Variants in CDH18 observed in about 807,000 individuals in gnomAD.
CDH18 encodes cadherin 18.
CDH18 carries 31 observed loss-of-function variants against 67.9 expected under a neutral mutation model. The observed-to-expected ratio is 0.46, with a 90% CI of 0.34 to 0.62. The LOEUF is 0.62. Among genes scored for constraint, CDH18 ranks in the 20% least tolerant of loss-of-function variants. CDH18 has a pLI of 0.01. For synonymous variants in CDH18, 362 were observed against 347.2 expected (o/e 1.04, Z -0.48); for missense variants, 890 against 975.5 (o/e 0.91, Z 1.17).
rs183263151 is a variant in CDH18, at chr5:19,823,085, G to A, written c.228+15674C>T. On this transcript the variant is annotated intron_variant, in intron 3 of 12. Coordinates refer to ENST00000382275, the MANE Select transcript of CDH18 (RefSeq NM_004934.5). Reference sequence around the variant, plus strand: ...ATGGCTCTGTTCCGCCTGGCTCACCGGCGGTCAGAGTTTAAGGTTATCTGT... The same window carrying A: ...ATGGCTCTGTTCCGCCTGGCTCACCAGCGGTCAGAGTTTAAGGTTATCTGT... Among the ~76,000 whole-genome samples the A allele has an allele frequency of 4.2e-3, 641 of 152,270 alleles. 8 individuals carry two copies. Among genetic ancestry groups the A allele is most frequent in the East Asian group, 0.036 (188 of 5,162 alleles).
intron 1 of CDH18, among the ~76,000 whole-genome samples, chr5:20,330,480 G>T (rs1739067757): frequency 6.6e-6 from 1 of 152,164 alleles, no homozygotes; most frequent in Admixed American, 6.5e-5. Flanking sequence ...AACACCTAAA[G>T]TTGGTGATCA....
intron 1 of CDH18, among the ~76,000 whole-genome samples, chr5:20,299,403 TACACACACACACACACACACACACAC>T (rs56003449): frequency 3.6e-5 from 5 of 138,692 alleles, no homozygotes; most frequent in Non-Finnish European, 6.2e-5. Flanking sequence ...CAACATTAGC[TACACACACACACACACACACACACAC>T]ACACACACAC....
intron 3 of CDH18, among the ~76,000 whole-genome samples, chr5:19,814,508 A>AGGACCCCT (rs57111438): frequency 1.3e-5 from 2 of 151,252 alleles, no homozygotes; most frequent in Admixed American, 6.6e-5. Flanking sequence ...AATATTTAGC[A>AGGACCCCT]GGGCTCTACA....
chr5:19,536,507 A>G (rs1749444934), intron 9 of CDH18, among the ~76,000 whole-genome samples: 1 of 152,180 alleles, frequency 6.6e-6, no homozygotes, highest in African/African-American at 2.4e-5. Flanking sequence ...GGAAATTGAT[A>G]CACGTGGAGT....
At chr5:19,984,936 A>G (rs1579950050) in intron 1 of CDH18, among the ~76,000 whole-genome samples, 1 of 152,296 alleles carries the variant, frequency 6.6e-6, no homozygotes, top group Non-Finnish European at 1.5e-5. Context: ...TAGAATAACC[A>G]GAGTGAATGC....
At chr5:20,462,993 G>A (rs143366896) in intron 1 of CDH18, among the ~76,000 whole-genome samples, 401 of 152,182 alleles carry the variant, frequency 2.6e-3, no homozygotes, top group Admixed American at 3.4e-3. Context: ...TGCAAAGACA[G>A]GTGCAGTTTT....
At chr5:19,735,383 T>C (rs1302738809) in intron 4 of CDH18, among the ~76,000 whole-genome samples, 1 of 144,392 alleles carries the variant, frequency 6.9e-6, no homozygotes, top group Non-Finnish European at 1.5e-5. Context: ...GTTCAATGTA[T>C]TGATGATATT....
chr5:19,671,104 T>C (rs947272731), intron 5 of CDH18, among the ~76,000 whole-genome samples: 17 of 152,078 alleles, frequency 1.1e-4, no homozygotes, highest in African/African-American at 4.1e-4. Context: ...GGTTTATAGG[T>C]AAGAAATAAA....
At chr5:20,213,245 T>G (rs536529205) in intron 2 of CDH18, among the ~76,000 whole-genome samples, 1 of 152,138 alleles carries the variant, frequency 6.6e-6, no homozygotes, top group African/African-American at 2.4e-5. Context: ...TGTAGGTTGG[T>G]GGAATTGTAG....
intron 1 of CDH18, among the ~76,000 whole-genome samples, chr5:20,383,461 G>A (rs570067349): frequency 1.3e-5 from 2 of 152,236 alleles, no homozygotes; most frequent in South Asian, 2.1e-4. Context: ...TTTGCAAATT[G>A]CTAAAGAGAT....
Position 19,838,900 on chromosome 5 carries a change from G to A in CDH18, c.87C>T (p.Ser29=). ...TTTGGTTTCTCATCACCTTGATGGAGCTGTGGTGAGCAGTTCCATAACACC... is the reference window on the plus strand; with the variant it reads ...TTTGGTTTCTCATCACCTTGATGGAACTGTGGTGAGCAGTTCCATAACACC... The part of the protein sequence containing the change: ...VQRCYGTAHH[S]SIKVMRNQTK... The change falls in exon 3 of 13, where the codon AGC becomes AGT. Residue 29 remains serine, a synonymous_variant. Transcript: ENST00000382275. 9.9e-6 allele frequency: 16 copies of A among 1,613,896 alleles called. No homozygotes were observed. Among genetic ancestry groups the A allele is most frequent in the Non-Finnish European group, 1.3e-5 (15 of 1,179,764 alleles).
intron 1 of CDH18, among the ~76,000 whole-genome samples, chr5:20,281,257 G>A (rs946725730): frequency 6.6e-6 from 1 of 152,090 alleles, no homozygotes; most frequent in East Asian, 1.9e-4. Flanking sequence ...ATTGCTTTTG[G>A]TGTTTTAGAC....
At chr5:19,580,036 T>C (rs78438408) in intron 7 of CDH18, among the ~76,000 whole-genome samples, 2,706 of 152,048 alleles carry the variant, frequency 0.018, 85 homozygotes, top group African/African-American at 0.062. Flanking sequence ...TTATTTTTAA[T>C]GACACAATAA....
chr5:20,426,828 G>T (rs1006282462), intron 1 of CDH18, among the ~76,000 whole-genome samples: 2 of 151,034 alleles, frequency 1.3e-5, no homozygotes, highest in Non-Finnish European at 2.9e-5. Context: ...AGAAAGATAG[G>T]TTGCAAACAA....
chr5:19,612,843 A>G (rs1006027117), intron 5 of CDH18, among the ~76,000 whole-genome samples: 2 of 152,088 alleles, frequency 1.3e-5, no homozygotes, highest in Non-Finnish European at 2.9e-5. Context: ...GCATTCCTTA[A>G]AGTAGATGGT....
intron 2 of CDH18, among the ~76,000 whole-genome samples, chr5:20,243,248 T>C (rs935917931): frequency 6.6e-6 from 1 of 152,128 alleles, no homozygotes; most frequent in Non-Finnish European, 1.5e-5. Flanking sequence ...TCACTTTTGT[T>C]CACATTTAAT....
intron 2 of CDH18, among the ~76,000 whole-genome samples, chr5:20,168,281 C>T (rs1297837970): frequency 6.6e-6 from 1 of 151,962 alleles, no homozygotes; most frequent in Non-Finnish European, 1.5e-5. Context: ...TTATAATCTA[C>T]CTTTGCTAGG....
intron 1 of CDH18, among the ~76,000 whole-genome samples, chr5:20,344,413 G>A (rs1381981861): frequency 1.3e-5 from 2 of 152,004 alleles, no homozygotes; most frequent in African/African-American, 4.8e-5. Flanking sequence ...GTCTTGGTAT[G>A]GGTAGATACC....
At chr5:19,848,941 A>G (rs1488580367) in intron 2 of CDH18, among the ~76,000 whole-genome samples, 3 of 150,330 alleles carry the variant, frequency 2.0e-5, no homozygotes, top group Admixed American at 1.3e-4. Flanking sequence ...ATATATGTGT[A>G]TATATACACA....
Sources: gnomAD v4.1 joint callset for allele counts (sites outside exome capture counted in the v4.1 genomes callset) on GRCh38, gnomAD v4.1.1 for gene constraint, MANE v1.5 for transcripts, NCBI Gene and HGNC (gene_info 2026-07-23, HGNC 2026-07-21) for gene names.